KCNAB1: variants seen among roughly 807,000 people sequenced by gnomAD.
KCNAB1 encodes voltage-gated potassium channel subunit beta-1.
KCNAB1 carries 35 observed loss-of-function variants against 64.6 expected under a neutral mutation model. The observed-to-expected ratio is 0.54, with a 90% CI of 0.41 to 0.72. The LOEUF (loss-of-function observed/expected upper bound fraction) is 0.72, where lower values mean the gene tolerates loss of function less well. Among genes scored for constraint, KCNAB1 ranks in the 30% least tolerant of loss-of-function variants. The pLI is 0.00. For missense variants in KCNAB1, 401 were observed against 512.9 expected, an observed-to-expected ratio of 0.78 and a Z score of 2.11; for synonymous variants, 177 against 183.8, an observed-to-expected ratio of 0.96 and a Z score of 0.30.
chr3:156,528,481 C>G (rs1436692203), intron 12 of KCNAB1, among the ~76,000 whole-genome samples: 2 of 152,090 alleles, frequency 1.3e-5, no homozygotes, highest in African/African-American at 4.8e-5. Context: ...GTGGGCAAGT[C>G]AAGAAAATAA....
At chr3:156,143,569 G>GTTTTTTTTTTTTTTTTTTT (rs56216211) in intron 1 of KCNAB1, 11 of 281,604 alleles carry the variant, frequency 3.9e-5, no homozygotes, top group Admixed American at 9.6e-5. Flanking sequence ...TTGCATTCTT[G>GTTTTTTTTTTTTTTTTTTT]TTTTTTTTTT....
chr3:156,477,750 AC>A (rs779420828), intron 8 of KCNAB1, among the ~76,000 whole-genome samples: 1 of 152,142 alleles, frequency 6.6e-6, no homozygotes, highest in Non-Finnish European at 1.5e-5. Context: ...ACTTTACTGT[AC>A]CGGGGGAAGG....
intron 1 of KCNAB1, among the ~76,000 whole-genome samples, chr3:156,350,402 G>A (rs1724777691): frequency 6.6e-6 from 1 of 151,878 alleles, no homozygotes; most frequent in Admixed American, 6.6e-5. Flanking sequence ...TAAAAAATTA[G>A]CTGGGCATGG....
At chr3:156,310,986 A>G (rs1302093116) in intron 1 of KCNAB1, among the ~76,000 whole-genome samples, 1 of 152,100 alleles carries the variant, frequency 6.6e-6, no homozygotes, top group South Asian at 2.1e-4. Context: ...AGACTCCTCC[A>G]TTTTCTTCAT....
intron 1 of KCNAB1, among the ~76,000 whole-genome samples, chr3:156,136,206 G>C (rs1262625797): frequency 6.6e-6 from 1 of 152,148 alleles, no homozygotes; most frequent in Non-Finnish European, 1.5e-5. Context: ...AGCATTGCAG[G>C]TATTATAATA....
chr3:156,342,585 C>CTTTTTTTTTTTTTTTTTTTATTT (rs1724195190), intron 1 of KCNAB1, among the ~76,000 whole-genome samples: 1 of 86,254 alleles, frequency 1.2e-5, no homozygotes, highest in African/African-American at 3.7e-5. Flanking sequence ...CTATGTGTTT[C>CTTTTTTTTTTTTTTTTTTTATTT]TTTTTTTTTT....
chr3:156,341,709 G>GA (rs978627250), intron 1 of KCNAB1, among the ~76,000 whole-genome samples: 10 of 151,662 alleles, frequency 6.6e-5, no homozygotes, highest in African/African-American at 2.2e-4. Context: ...CACAATCATA[G>GA]AAAAAAAATA....
intron 1 of KCNAB1, among the ~76,000 whole-genome samples, chr3:156,162,459 C>T (rs1308425439): frequency 1.3e-5 from 2 of 152,116 alleles, no homozygotes; most frequent in African/African-American, 2.4e-5. Context: ...TGCCACCAGT[C>T]TCCTTACTCC....
At chr3:156,257,637 A>G (rs2108473846) in intron 1 of KCNAB1, among the ~76,000 whole-genome samples, 1 of 152,274 alleles carries the variant, frequency 6.6e-6, no homozygotes, top group African/African-American at 2.4e-5. Context: ...TAGGGAGCAC[A>G]CTTTTCTTTA....
chr3:156,334,427 G>A (rs980346795), intron 1 of KCNAB1, among the ~76,000 whole-genome samples: 7 of 151,760 alleles, frequency 4.6e-5, no homozygotes, highest in Admixed American at 4.6e-4. Flanking sequence ...CTTTCCTATC[G>A]GATCTTACTT....
intron 7 of KCNAB1, among the ~76,000 whole-genome samples, chr3:156,469,214 A>G (rs916903512): frequency 2.0e-5 from 3 of 149,762 alleles, no homozygotes; most frequent in African/African-American, 7.4e-5. Context: ...GAGTGTGTAC[A>G]TAATTTCAGG....
At chr3:156,304,520 G>A (rs1036788706) in intron 1 of KCNAB1, among the ~76,000 whole-genome samples, 1 of 152,174 alleles carries the variant, frequency 6.6e-6, no homozygotes, top group African/African-American at 2.4e-5. Flanking sequence ...ATACTGACCA[G>A]CGTATGTTTA....
At chr3:156,239,981 G>A (rs1045400386) in intron 1 of KCNAB1, among the ~76,000 whole-genome samples, 12 of 152,128 alleles carry the variant, frequency 7.9e-5, no homozygotes, top group Non-Finnish European at 1.5e-4. Flanking sequence ...AATACATCAT[G>A]TTAGGGAGAT....
At chr3:156,153,559 T>C (rs1222833396) in intron 1 of KCNAB1, among the ~76,000 whole-genome samples, 2 of 152,222 alleles carry the variant, frequency 1.3e-5, no homozygotes, top group Non-Finnish European at 1.5e-5. Context: ...GAAATTAACA[T>C]TGGAATTGGT....
At chr3:156,330,949 A>G (rs1025784581) in intron 1 of KCNAB1, among the ~76,000 whole-genome samples, 5 of 152,114 alleles carry the variant, frequency 3.3e-5, no homozygotes, top group Admixed American at 1.3e-4. Flanking sequence ...TATCTATTAA[A>G]ACTACTTTCT....
intron 2 of KCNAB1, among the ~76,000 whole-genome samples, chr3:156,428,496 C>A (rs1169240788): frequency 6.7e-6 from 1 of 148,870 alleles, no homozygotes; most frequent in Non-Finnish European, 1.5e-5. Flanking sequence ...TATACACACA[C>A]ACACACACAC....
intron 1 of KCNAB1, among the ~76,000 whole-genome samples, chr3:156,180,484 C>T (rs1712729237): frequency 6.6e-6 from 1 of 152,096 alleles, no homozygotes; most frequent in African/African-American, 2.4e-5. Flanking sequence ...TATTCAGTAT[C>T]AGGAAAATGC....
At chr3:156,456,213 T>G (rs1408366731) in intron 3 of KCNAB1, 1 of 152,218 alleles carries the variant, frequency 6.6e-6, no homozygotes, top group Admixed American at 6.5e-5. Context: ...GTTCAATGAT[T>G]GGGAAACATC....
intron 1 of KCNAB1, among the ~76,000 whole-genome samples, chr3:156,322,710 A>G (rs1218685687): frequency 6.6e-6 from 1 of 152,228 alleles, no homozygotes; most frequent in East Asian, 1.9e-4. Flanking sequence ...AAGCATTCTA[A>G]TTCTTATTCC....
Sources: gnomAD v4.1 joint callset for allele counts (sites outside exome capture counted in the v4.1 genomes callset) on GRCh38, gnomAD v4.1.1 for gene constraint, MANE v1.5 for transcripts, NCBI Gene and HGNC (gene_info 2026-07-23, HGNC 2026-07-21) for gene names.